ABRAXAS1: variants seen among roughly 807,000 people sequenced by gnomAD.
The protein encoded by ABRAXAS1 is abraxas 1, BRCA1 A complex subunit.
Under a neutral mutation model 38.4 loss-of-function variants are expected in ABRAXAS1, and 26 were observed. The observed-to-expected ratio is 0.68, with a 90% CI of 0.50 to 0.94. The LOEUF is 0.94. Ranked by LOEUF, ABRAXAS1 falls within the 40% of genes least tolerant of loss-of-function variation. The probability of loss-of-function intolerance (pLI) is 0.00; values close to 1 mark genes in which losing one functional copy is unlikely to be tolerated. For synonymous variants in ABRAXAS1, 144 were observed against 165.5 expected, an observed-to-expected ratio of 0.87 and a Z score of 1.00; for missense variants, 438 against 481.9, an observed-to-expected ratio of 0.91 and a Z score of 0.85.
Position 83,459,672 on chromosome 4 carries a change from G to T in ABRAXAS1, c.*2797C>A. 1.4e-6 allele frequency: 2 copies of T among 1,430,094 alleles called. No homozygotes were observed. The highest frequency in any genetic ancestry group is 2.0e-5 in the Admixed American group (1 of 49,620). The allele number at this position is 1,430,094 out of a possible 1,614,324, so 88.6% of individuals were successfully genotyped here. On this transcript the variant is annotated 3_prime_UTR_variant, in exon 9 of 9. Transcript: ENST00000321945. ...TTATATAACCTGAAGGTTGTTTTTT[G>T]AAATTTACACATTCAGAAATAAATA...
At chr4:83,477,937 T>C (rs1722843579) in intron 2 of ABRAXAS1, 2 of 830,950 alleles carry the variant, frequency 2.4e-6, no homozygotes, top group East Asian at 2.9e-5. Context: ...ATCCCACCGA[T>C]GTTCTAAAGA....
At chr4:83,469,265 A>C in intron 5 of ABRAXAS1, 114 bp from the exon 6 acceptor site, 14 of 836,100 alleles carry the variant, frequency 1.7e-5, no homozygotes, top group Non-Finnish European at 2.3e-5. Flanking sequence ...ACCCCCCAAA[A>C]CCCATTCTTT....
rs547512157 is a variant in ABRAXAS1 at position 83,459,858 on chromosome 4, A to G, written c.*2611T>C. On this transcript the variant is annotated 3_prime_UTR_variant, in exon 9 of 9. Transcript: ENST00000321945. ...ATACGAATTATATCAATCTATTTCT[A>G]TCATTTAAGAAAACTCAAATTTTCA... 8 of 1,411,374 alleles carry G rather than the reference A, an allele frequency of 5.7e-6. No individual in the cohort carries two copies. In the Admixed American group the frequency reaches 8.6e-5, roughly 15 times the overall value. 87.4% of individuals were successfully genotyped at this position (1,411,374 alleles called of 1,614,324 possible).
chr4:83,482,279 T>G (rs778802744), intron 1 of ABRAXAS1, 35 bp from the exon 2 acceptor site: 1 of 1,271,996 alleles, frequency 7.9e-7, no homozygotes, highest in East Asian at 2.3e-5. Flanking sequence ...TAGAATACAC[T>G]GATAGAATTA....
intron 2 of ABRAXAS1, chr4:83,478,026 C>T: frequency 1.0e-6 from 1 of 984,502 alleles, no homozygotes; most frequent in Non-Finnish European, 1.6e-6. Flanking sequence ...CAGGAAGGCA[C>T]CAGGGGTCTG....
intron 6 of ABRAXAS1, among the ~76,000 whole-genome samples, chr4:83,468,311 GAAAAAAAA>G (rs56262938): frequency 8.1e-6 from 1 of 123,770 alleles, no homozygotes; most frequent in South Asian, 2.5e-4. Flanking sequence ...GTCTTTAAAA[GAAAAAAAA>G]AAAAAAAAAG....
Position 83,470,297 on chromosome 4 carries a change from G to C in ABRAXAS1, c.382C>G (p.Gln128Glu). ...GTTAATAGCAGAAAAACAAGGTCTT[G>C]GTTTGAAAAATGCTCCTGCAAGTTT... Reference protein sequence around the residue: ...HKNLQEHFSNQDLVFLLLTPS... With the variant: ...HKNLQEHFSNEDLVFLLLTPS... The change falls in exon 5 of 9, where the codon CAA becomes GAA. Residue 128 changes from glutamine to glutamate, a missense_variant. Physicochemically the swap from Gln to Glu is conservative, Grantham distance 29. This residue lies in a region of ABRAXAS1 where 194 missense variants were observed against 269.0 expected (regional missense o/e 0.72). Coordinates refer to ENST00000321945, the MANE Select transcript of ABRAXAS1 (RefSeq NM_139076.3). The C allele has an allele frequency of 6.2e-7, 1 of 1,613,708 alleles. No individual in the cohort carries two copies. The highest frequency in any genetic ancestry group is 8.5e-7 in the Non-Finnish European group (1 of 1,179,754).
chr4:83,478,393 CAT>C (rs775513564), intron 2 of ABRAXAS1: 194 of 554,914 alleles, frequency 3.5e-4, no homozygotes, highest in Middle Eastern at 1.7e-3. Flanking sequence ...CTTTAAATTA[CAT>C]ATGAGTAGCT....
At chr4:83,481,396 A>G (rs1722996691) in intron 2 of ABRAXAS1, among the ~76,000 whole-genome samples, 1 of 152,182 alleles carries the variant, frequency 6.6e-6, no homozygotes, top group South Asian at 2.1e-4. Flanking sequence ...CACCAGTTAT[A>G]ACTGCTTTAG....
At position 83,462,555 on chromosome 4, in the gene ABRAXAS1, CT is replaced by C; in HGVS notation, c.1143del (p.Ala382HisfsTer4). On this transcript the variant is annotated frameshift_variant, in exon 9 of 9. Coordinates refer to ENST00000321945, the MANE Select transcript of ABRAXAS1 (RefSeq NM_139076.3). LOFTEE classifies it low-confidence loss of function (END_TRUNC). ...GTTTCTGGGCTGCTCATTTTGGATGCTTTATCTTGGTTACTACTACCAGTAT... is the reference window on the plus strand; with the variant it reads ...GTTTCTGGGCTGCTCATTTTGGATGCTTATCTTGGTTACTACTACCAGTAT... ...KADTGSSNQDKASKMSSPETD... is the reference protein window; with the variant it reads ...KADTGSSNQDXASKMSSPETD... 6.2e-7 allele frequency: 1 copy of C among 1,614,082 alleles called. No homozygotes were observed. Among genetic ancestry groups the C allele is most frequent in the Non-Finnish European group, 8.5e-7 (1 of 1,179,988 alleles).
Position 83,462,694 on chromosome 4 carries a change from A to G in ABRAXAS1, c.1005T>C (p.Ala335=). Residue 335 remains alanine, a synonymous_variant, in exon 9 of 9, where the codon GCT becomes GCC. Coordinates refer to ENST00000321945, the MANE Select transcript of ABRAXAS1 (RefSeq NM_139076.3). ...LMVEHTDIPE[A]SPASTPQIIK... ...TGATTTGTGGTGTACTAGCTGGACT[A>G]GCTTCAGGAATGTCAGTGTGTTCTA... 1 of 1,613,846 alleles carries G rather than the reference A, an allele frequency of 6.2e-7. No homozygotes were observed. The highest frequency in any genetic ancestry group is 8.5e-7 in the Non-Finnish European group (1 of 1,179,990).
chr4:83,459,802 G>T lies in ABRAXAS1; in HGVS notation c.*2667C>A, dbSNP rs12505955. 647,713 of 1,581,958 alleles carry T rather than the reference G, an allele frequency of 0.41. 139,031 individuals carry two copies. Among genetic ancestry groups the T allele is most frequent in the East Asian group, 0.64 (28,608 of 44,378 alleles). On this transcript the variant is annotated 3_prime_UTR_variant, in exon 9 of 9. Coordinates refer to ENST00000321945, the MANE Select transcript of ABRAXAS1 (RefSeq NM_139076.3). ...TTTATGGAAGGCACATTACAGGTATGTTCTTTTTTATTATGGGAATATAAA... is the reference window on the plus strand; with the variant it reads ...TTTATGGAAGGCACATTACAGGTATTTTCTTTTTTATTATGGGAATATAAA...
Position 83,460,866 on chromosome 4 carries a change from A to T in ABRAXAS1, c.*1603T>A. 1.2e-5 allele frequency: 11 copies of T among 901,742 alleles called. No individual in the cohort carries two copies. In the South Asian group the frequency reaches 1.6e-4, roughly 13 times the overall value. 55.9% of individuals were successfully genotyped at this position (901,742 alleles called of 1,614,324 possible). A position where few individuals can be genotyped will look rare whatever the true frequency, so the allele number is the denominator to read the frequency against. Reference sequence around the variant, plus strand: ...GGTTGCAGTGAGGCGAGAGAGCACCACTGTACTCCAGCCTGGGTGACACAG... The same window carrying T: ...GGTTGCAGTGAGGCGAGAGAGCACCTCTGTACTCCAGCCTGGGTGACACAG... On this transcript the variant is annotated 3_prime_UTR_variant, in exon 9 of 9. Coordinates refer to ENST00000321945, the MANE Select transcript of ABRAXAS1 (RefSeq NM_139076.3).
At position 83,470,992 on chromosome 4, in the gene ABRAXAS1, A is replaced by C. The variant is rs998751004; in HGVS notation, c.283-596T>G. On this transcript the variant is annotated intron_variant, in intron 4 of 8. Transcript: ENST00000321945. ...AAATAATTCTCCTTTACTTAAGACA[A>C]AGAGAAAACCAATCACTTTGCTTAG... 7.2e-5 allele frequency among the ~76,000 whole-genome samples: 11 copies of C among 152,272 alleles called. No individual in the cohort carries two copies. The East Asian group carries it at 2.1e-3, about 29-fold the overall frequency.
At chr4:83,470,864 C>A (rs1722554433) in intron 4 of ABRAXAS1, among the ~76,000 whole-genome samples, 1 of 152,072 alleles carries the variant, frequency 6.6e-6, no homozygotes, top group Non-Finnish European at 1.5e-5. Flanking sequence ...TATCACCTAC[C>A]CGACAAACTT....
chr4:83,468,378 C>G (rs1722456167), intron 6 of ABRAXAS1, among the ~76,000 whole-genome samples: 1 of 149,804 alleles, frequency 6.7e-6, no homozygotes, highest in Non-Finnish European at 1.5e-5. Flanking sequence ...AGTTTTTAAA[C>G]TGCTGGCACT....
At position 83,467,508 on chromosome 4, in the gene ABRAXAS1, T is replaced by G; in HGVS notation, c.627A>C (p.Leu209Phe). The G allele has an allele frequency of 6.4e-7, 1 of 1,563,246 alleles. No individual in the cohort carries two copies. The highest frequency in any genetic ancestry group is 1.7e-5 in the Admixed American group (1 of 57,698). The change falls in exon 7 of 9, where the codon TTA (leucine) becomes TTC (phenylalanine). Residue 209 changes from leucine (L) to phenylalanine (F), a missense_variant. By Grantham distance (22) the Leu-to-Phe change is conservative. Coordinates refer to ENST00000321945, the MANE Select transcript of ABRAXAS1 (RefSeq NM_139076.3). ...SSKFFEEDGS[L>F]KEVHKINEMY... ...TTTCATTTATCTTATGTACCTCCTT[T>G]AAGGATCCATCTTCTTCAAAAAATT...
rs28540634 is a variant in ABRAXAS1, at chr4:83,470,479, C to T, written c.283-83G>A. The stretch of plus-strand genomic sequence containing the variant: ...ATTATAATTAAATAAAATAAACAAC[C>T]TTAAAATGGCTTTCTTAATATTTAG... On this transcript the variant is annotated intron_variant, in intron 4 of 8. Coordinates refer to ENST00000321945, the MANE Select transcript of ABRAXAS1 (RefSeq NM_139076.3). 332 of 959,720 alleles carry T rather than the reference C, an allele frequency of 3.5e-4. No homozygotes were observed. The African/African-American group carries it at 5.0e-3, about 14-fold the overall frequency. The allele number at this position is 959,720 out of a possible 1,614,324, so 59.5% of individuals were successfully genotyped here. A position where few individuals can be genotyped will look rare whatever the true frequency, so the allele number is the denominator to read the frequency against.
At position 83,462,677 on chromosome 4, in the gene ABRAXAS1, G is replaced by A. The variant is rs1722173605; in HGVS notation, c.1022C>T (p.Pro341Leu). 1.2e-6 allele frequency: 2 copies of A among 1,613,812 alleles called. No individual in the cohort carries two copies. The highest frequency in any genetic ancestry group is 2.2e-5 in the East Asian group (1 of 44,864). ...TAAGGCTTTATGCTTAATGATTTGT[G>A]GTGTACTAGCTGGACTAGCTTCAGG... is the stretch of plus-strand genomic sequence containing the variant. ...DIPEASPAST[P>L]QIIKHKALDL... Residue 341 changes from proline (P) to leucine (L), a missense_variant, in exon 9 of 9, where the codon CCA (proline) becomes CTA (leucine). Around this residue, in one of 3 missense-constraint regions of ABRAXAS1, gnomAD observed 184 missense variants for 181.9 expected, o/e 1.01. Coordinates refer to ENST00000321945, the MANE Select transcript of ABRAXAS1 (RefSeq NM_139076.3).
Sources: gnomAD v4.1 joint callset for allele counts (sites outside exome capture counted in the v4.1 genomes callset) on GRCh38, gnomAD v4.1.1 for gene constraint, gnomAD v4.1.1 regional missense constraint, MANE v1.5 for transcripts, NCBI Gene and HGNC (gene_info 2026-07-23, HGNC 2026-07-21) for gene names.